The following SAMMSON variants were observed in gnomAD, a reference collection of about 807,000 sequenced individuals.
SAMMSON encodes the protein survival associated mitochondrial melanoma specific oncogenic non-coding RNA.
chr3:70,427,079 A>G (rs1234864569), intron 2 of SAMMSON, among the ~76,000 whole-genome samples: 1 of 152,240 alleles, frequency 6.6e-6, no homozygotes, highest in African/African-American at 2.4e-5. Context: ...ATCTGCCCTC[A>G]GTTTAAGACA....
At chr3:70,274,098 C>T (rs1009747924) in intron 6 of SAMMSON, among the ~76,000 whole-genome samples, 4 of 104,098 alleles carry the variant, frequency 3.8e-5, no homozygotes, top group Non-Finnish European at 8.7e-5. Context: ...TGTGCGCGCG[C>T]GCATGTGTGT....
At chr3:70,098,509 A>T (rs2067331105) in intron 4 of SAMMSON, among the ~76,000 whole-genome samples, 1 of 152,034 alleles carries the variant, frequency 6.6e-6, no homozygotes, top group African/African-American at 2.4e-5. Flanking sequence ...TTGGGAGTAT[A>T]GGTGCCTGCC....
intron 7 of SAMMSON, among the ~76,000 whole-genome samples, chr3:70,310,430 A>G (rs919715900): frequency 1.3e-5 from 2 of 151,134 alleles, no homozygotes; most frequent in African/African-American, 2.4e-5. Flanking sequence ...CAGTGGTGTG[A>G]TCTCGGCTCA....
chr3:70,132,846 TG>T (rs1173373180), intron 4 of SAMMSON, among the ~76,000 whole-genome samples: 1 of 151,068 alleles, frequency 6.6e-6, no homozygotes, highest in Non-Finnish European at 1.5e-5. Flanking sequence ...CAATGTGCAA[TG>T]TTTGAAGTTT....
intron 9 of SAMMSON, among the ~76,000 whole-genome samples, chr3:70,372,565 G>A (rs1575635836): frequency 6.6e-6 from 1 of 152,208 alleles, no homozygotes; most frequent in East Asian, 1.9e-4. Context: ...CTCCCAAGGT[G>A]CTGGGATTAC....
At chr3:70,067,225 AAGAT>A (rs2067212954) in intron 3 of SAMMSON, among the ~76,000 whole-genome samples, 2 of 152,110 alleles carry the variant, frequency 1.3e-5, no homozygotes, top group Non-Finnish European at 2.9e-5. Context: ...AAAGAAGAAA[AAGAT>A]AGATAGAATT....
At chr3:70,124,230 G>A (rs2067446391) in intron 4 of SAMMSON, among the ~76,000 whole-genome samples, 1 of 152,196 alleles carries the variant, frequency 6.6e-6, no homozygotes, top group African/African-American at 2.4e-5. Context: ...TTAGATGAAT[G>A]AGTGAAGTTA....
intron 6 of SAMMSON, among the ~76,000 whole-genome samples, chr3:70,268,576 C>T (rs556158430): frequency 9.7e-4 from 148 of 151,916 alleles, no homozygotes; most frequent in African/African-American, 3.4e-3. Context: ...AGTTCACATT[C>T]GGGTTCACTC....
chr3:70,404,804 C>T (rs1044857638), intron 2 of SAMMSON, among the ~76,000 whole-genome samples: 1 of 152,240 alleles, frequency 6.6e-6, no homozygotes, highest in Non-Finnish European at 1.5e-5. Flanking sequence ...CACTGCAAAG[C>T]ACAACAATCT....
At chr3:70,424,747 G>C (rs893279270) in intron 2 of SAMMSON, 1 of 152,148 alleles carries the variant, frequency 6.6e-6, no homozygotes, top group African/African-American at 2.4e-5. Flanking sequence ...TTTGTCTATT[G>C]ACATTTTGAT....
intron 4 of SAMMSON, among the ~76,000 whole-genome samples, chr3:70,167,911 G>T (rs771111397): frequency 6.6e-6 from 1 of 151,920 alleles, no homozygotes; most frequent in South Asian, 2.1e-4. Context: ...TGTAATGAGA[G>T]TGGCTAAAGT....
chr3:70,333,776 C>G (rs1702642495), intron 7 of SAMMSON, among the ~76,000 whole-genome samples: 2 of 152,170 alleles, frequency 1.3e-5, no homozygotes. Context: ...ACCCCTTTAA[C>G]AGTTTTCGGT....
intron 9 of SAMMSON, among the ~76,000 whole-genome samples, chr3:70,367,900 T>G (rs1702934093): frequency 6.6e-6 from 1 of 151,512 alleles, no homozygotes; most frequent in Admixed American, 6.6e-5. Context: ...TTTTGTTTGT[T>G]TTTGTTTTTG....
chr3:70,184,926 G>A lies in SAMMSON; in HGVS notation n.508-64181G>A, dbSNP rs1287541381. On this transcript the variant is annotated intron_variant and non_coding_transcript_variant, in intron 4 of 9. Transcript: ENST00000642114. ...CAGTGACCTTTCCCTGTAAGACAGC[G>A]CTATCTCCACCAAGGAGAATGCCAG... Among the ~76,000 whole-genome samples the A allele has an allele frequency of 9.9e-5, 15 of 152,136 alleles. No homozygotes were observed. The East Asian group carries it at 1.3e-3, about 14-fold the overall frequency.
chr3:70,373,997 C>T (rs1203393498), intron 9 of SAMMSON, among the ~76,000 whole-genome samples: 3 of 152,180 alleles, frequency 2.0e-5, no homozygotes, highest in Non-Finnish European at 2.9e-5. Context: ...TCACTGCAAC[C>T]TCCGCCTCCC....
chr3:70,035,969 A>G (rs940492165), intron 3 of SAMMSON, among the ~76,000 whole-genome samples: 1 of 152,226 alleles, frequency 6.6e-6, no homozygotes, highest in South Asian at 2.1e-4. Flanking sequence ...AAAACAATAT[A>G]TCAAAAATAG....
intron 6 of SAMMSON, among the ~76,000 whole-genome samples, chr3:70,259,851 G>A (rs1042344859): frequency 2.0e-5 from 3 of 152,160 alleles, no homozygotes; most frequent in Non-Finnish European, 2.9e-5. Context: ...GAGGTCTCAG[G>A]AAACTTACAA....
At chr3:70,099,842 T>G (rs1236923810) in intron 4 of SAMMSON, among the ~76,000 whole-genome samples, 1 of 152,176 alleles carries the variant, frequency 6.6e-6, no homozygotes, top group African/African-American at 2.4e-5. Context: ...TCTGGGGAGT[T>G]TTTGCTACCC....
chr3:70,052,907 C>T (rs1268864140), intron 3 of SAMMSON, among the ~76,000 whole-genome samples: 3 of 152,218 alleles, frequency 2.0e-5, no homozygotes, highest in South Asian at 2.1e-4. Flanking sequence ...GTGGCAAGAA[C>T]GTGAATGATG....
Sources: allele counts gnomAD v4.1 joint callset (sites outside exome capture counted in the v4.1 genomes callset), GRCh38; gene constraint gnomAD v4.1.1; transcripts MANE v1.5; gene names NCBI Gene and HGNC (gene_info 2026-07-23, HGNC 2026-07-21).